The following CRTC3 variants were observed in gnomAD, a reference collection of about 807,000 sequenced individuals.
CRTC3 encodes CREB regulated transcription coactivator 3.
CRTC3 carries 26 observed loss-of-function variants against 74.5 expected under a neutral mutation model. That is an observed-to-expected ratio of 0.35 (90% CI 0.26 to 0.48). The LOEUF (loss-of-function observed/expected upper bound fraction) is 0.48. Among genes scored for constraint, CRTC3 ranks in the 20% least tolerant of loss-of-function variants. CRTC3 has a pLI of 0.99. For synonymous variants in CRTC3, 377 were observed against 325.8 expected (o/e 1.16, Z -1.69); for missense variants, 760 against 787.3 (o/e 0.97, Z 0.41).
At chr15:90,555,761 C>T (rs1031834627) in intron 2 of CRTC3, among the ~76,000 whole-genome samples, 37 of 152,180 alleles carry the variant, frequency 2.4e-4, no homozygotes, top group African/African-American at 8.7e-4. Flanking sequence ...AAGTGATCTG[C>T]CTGCCTTGGC....
At chr15:90,557,907 A>C (rs1159483855) in intron 2 of CRTC3, among the ~76,000 whole-genome samples, 3 of 152,066 alleles carry the variant, frequency 2.0e-5, no homozygotes, top group Non-Finnish European at 4.4e-5. Context: ...TGTTTTTATC[A>C]GCCTGCCTCC....
chr15:90,601,431 C>T (rs1968066509), intron 3 of CRTC3, among the ~76,000 whole-genome samples: 1 of 152,144 alleles, frequency 6.6e-6, no homozygotes, highest in African/African-American at 2.4e-5. Flanking sequence ...GGGTGGATCA[C>T]CTGAGGTCAG....
chr15:90,639,177 C>G (rs900222229), intron 13 of CRTC3, among the ~76,000 whole-genome samples: 7 of 152,124 alleles, frequency 4.6e-5, no homozygotes, highest in African/African-American at 1.7e-4. Context: ...ACCGCAGAGT[C>G]AGAAGGTGGC....
chr15:90,581,927 G>C (rs1469894712), intron 2 of CRTC3, among the ~76,000 whole-genome samples: 2 of 152,138 alleles, frequency 1.3e-5, no homozygotes, highest in East Asian at 3.9e-4. Context: ...GTTGGTGTGG[G>C]ATGAACAGAG....
chr15:90,538,587 G>C (rs1966755866), intron 1 of CRTC3, among the ~76,000 whole-genome samples: 1 of 152,146 alleles, frequency 6.6e-6, no homozygotes, highest in South Asian at 2.1e-4. Flanking sequence ...GTAGTGGAGA[G>C]GGTAAAGATG....
intron 7 of CRTC3, among the ~76,000 whole-genome samples, chr15:90,616,316 T>C (rs953945381): frequency 1.3e-5 from 2 of 152,184 alleles, no homozygotes; most frequent in African/African-American, 4.8e-5. Context: ...TACCGTGCTG[T>C]CAAATAAGTT....
At position 90,641,193 on chromosome 15, in the gene CRTC3, C is replaced by A; in HGVS notation, c.1645C>A (p.Leu549Met). ...CTGCGGGAGTCTCCCGAACACCATC[C>A]TGCCAGGTGAGCGAGCTATCCCTCA... ...SNCGSLPNTI[L>M]PEDSSTSLFK... Residue 549 changes from leucine to methionine, a missense_variant, in exon 14 of 15, where the codon CTG becomes ATG. This residue lies in a region of CRTC3 where 652 missense variants were observed against 635.2 expected (regional missense o/e 1.03). Transcript: ENST00000268184. The A allele has an allele frequency of 6.2e-7, 1 of 1,609,202 alleles. No homozygotes were observed. Among genetic ancestry groups the A allele is most frequent in the Non-Finnish European group, 8.5e-7 (1 of 1,175,730 alleles).
intron 13 of CRTC3, 158 bp from the exon 14 acceptor site, chr15:90,640,939 A>G (rs1012615266): frequency 8.0e-6 from 5 of 621,756 alleles, no homozygotes; most frequent in Non-Finnish European, 2.9e-6. Context: ...AATATTGTGC[A>G]TGCATTACCA....
rs1011421356 is a variant in CRTC3 at position 90,643,552 on chromosome 15, T to C, written c.*1412T>C. On this transcript the variant is annotated 3_prime_UTR_variant, in exon 15 of 15. Transcript: ENST00000268184. The stretch of plus-strand genomic sequence containing the variant: ...GGCTCTAAATTGCTTCAAGTAGAGA[T>C]TCATTCTTTGAGGTTGAAAAAATAG... 1.2e-4 allele frequency: 28 copies of C among 229,412 alleles called. No homozygotes were observed. Among genetic ancestry groups the C allele is most frequent in the African/African-American group, 5.5e-4 (25 of 45,162 alleles). 14.2% of individuals were successfully genotyped at this position (229,412 alleles called of 1,614,324 possible).
At chr15:90,629,826 G>T (rs1477850686) in intron 11 of CRTC3, among the ~76,000 whole-genome samples, 2 of 152,102 alleles carry the variant, frequency 1.3e-5, no homozygotes, top group African/African-American at 2.4e-5. Flanking sequence ...GGGCTCAAGC[G>T]ATCTTCTCAC....
At position 90,642,133 on chromosome 15, in the gene CRTC3, G is replaced by C; in HGVS notation, c.1853G>C (p.Arg618Thr). ...PSVEETFRADRL is the reference protein window; with the variant it reads ...PSVEETFRADTL ...GTTGAAGAGACGTTTCGAGCTGACA[G>C]ACTGTGAACAGAAGGCAGTGGAACA... Residue 618 changes from arginine to threonine, a missense_variant, in exon 15 of 15, where the codon AGA becomes ACA. Arg to Thr is a moderately conservative substitution (Grantham distance 71). This residue lies in a region of CRTC3 where 652 missense variants were observed against 635.2 expected (regional missense o/e 1.03). Coordinates refer to ENST00000268184, the MANE Select transcript of CRTC3 (RefSeq NM_022769.5). 1 of 1,613,874 alleles carries C rather than the reference G, an allele frequency of 6.2e-7. No homozygotes were observed. The highest frequency in any genetic ancestry group is 8.5e-7 in the Non-Finnish European group (1 of 1,179,848).
chr15:90,625,572 T>C (rs950915754), intron 9 of CRTC3, among the ~76,000 whole-genome samples: 1 of 152,190 alleles, frequency 6.6e-6, no homozygotes, highest in Admixed American at 6.5e-5. Flanking sequence ...ATTCCTGTAA[T>C]GTGGGCACAG....
At chr15:90,641,308 C>G (rs555053821) in intron 14 of CRTC3, 109 bp downstream of exon 14, 2 of 784,072 alleles carry the variant, frequency 2.6e-6, no homozygotes, top group South Asian at 3.2e-5. Flanking sequence ...AAAAAGTTAA[C>G]GTTCCCTGGG....
chr15:90,613,185 GAAAAAAAAAA>G (rs34111646), intron 6 of CRTC3, among the ~76,000 whole-genome samples: 1 of 114,190 alleles, frequency 8.8e-6, no homozygotes, highest in Admixed American at 9.7e-5. Context: ...TCTGTCTCGG[GAAAAAAAAAA>G]AAAAAAAAAA....
intron 2 of CRTC3, among the ~76,000 whole-genome samples, chr15:90,589,884 A>G (rs559260727): frequency 0.011 from 1,681 of 151,716 alleles, 38 homozygotes; most frequent in African/African-American, 0.039. Flanking sequence ...CTACTCAGGA[A>G]ACTAAGGCAG....
At chr15:90,558,412 A>G (rs1168681137) in intron 2 of CRTC3, among the ~76,000 whole-genome samples, 2 of 152,140 alleles carry the variant, frequency 1.3e-5, no homozygotes, top group African/African-American at 4.8e-5. Context: ...GGGTAAAGGC[A>G]AAGTGCAAAG....
At chr15:90,635,466 G>A (rs1969199323) in intron 11 of CRTC3, among the ~76,000 whole-genome samples, 1 of 152,090 alleles carries the variant, frequency 6.6e-6, no homozygotes, top group Non-Finnish European at 1.5e-5. Flanking sequence ...CCAACATGGT[G>A]AAACCCCGTC....
chr15:90,636,519 A>G (rs1005760615), intron 11 of CRTC3, among the ~76,000 whole-genome samples: 13 of 151,952 alleles, frequency 8.6e-5, no homozygotes, highest in Non-Finnish European at 1.5e-4. Context: ...TGTCTAAAAC[A>G]CCAAAAGCAA....
intron 2 of CRTC3, among the ~76,000 whole-genome samples, chr15:90,558,657 T>A (rs1215562958): frequency 6.6e-6 from 1 of 152,066 alleles, no homozygotes; most frequent in Non-Finnish European, 1.5e-5. Flanking sequence ...AGGCCTTGCC[T>A]CTCTAAAATC....
Sources: allele counts gnomAD v4.1 joint callset (sites outside exome capture counted in the v4.1 genomes callset), GRCh38; gene constraint gnomAD v4.1.1; regional missense constraint gnomAD v4.1.1; transcripts MANE v1.5; gene names NCBI Gene and HGNC (gene_info 2026-07-23, HGNC 2026-07-21).